The following GRID1 variants were observed in gnomAD, a reference collection of about 807,000 sequenced individuals.
GRID1 encodes glutamate ionotropic receptor delta type subunit 1.
A neutral mutation model predicts 98.0 loss-of-function variants in GRID1; 28 were observed. The ratio of observed to expected loss-of-function variants is 0.29; its 90% CI spans 0.21 to 0.39. The LOEUF is 0.39. Among genes scored for constraint, GRID1 ranks in the 10% least tolerant of loss-of-function variants. GRID1 has a pLI of 1.00. For missense variants in GRID1, 1,111 were observed against 1,340.5 expected, an observed-to-expected ratio of 0.83 and a Z score of 2.67; for synonymous variants, 553 against 538.5, an observed-to-expected ratio of 1.03 and a Z score of -0.37.
chr10:85,653,569 A>T (rs1239990772), intron 12 of GRID1, among the ~76,000 whole-genome samples: 1 of 152,152 alleles, frequency 6.6e-6, no homozygotes, highest in East Asian at 1.9e-4. Context: ...TGTACACAGG[A>T]GCTGTGGTTA....
chr10:85,931,243 C>T (rs1841847047), intron 4 of GRID1, among the ~76,000 whole-genome samples: 1 of 152,114 alleles, frequency 6.6e-6, no homozygotes, highest in Non-Finnish European at 1.5e-5. Flanking sequence ...CCCTCTCCCC[C>T]TGCCCTACCC....
intron 2 of GRID1, among the ~76,000 whole-genome samples, chr10:86,315,245 TTCCTCAGCCTTTG>T (rs1847882584): frequency 6.6e-6 from 1 of 152,150 alleles, no homozygotes; most frequent in Non-Finnish European, 1.5e-5. Context: ...AAGGCCCATT[TTCCTCAGCCTTTG>T]TCCTCCAGCC....
intron 13 of GRID1, among the ~76,000 whole-genome samples, chr10:85,620,785 G>A (rs1047642907): frequency 9.9e-5 from 15 of 152,156 alleles, no homozygotes; most frequent in East Asian, 5.8e-4. Context: ...CTGTGCACAC[G>A]CACATACATG....
intron 12 of GRID1, among the ~76,000 whole-genome samples, chr10:85,670,728 G>C (rs554695060): frequency 2.6e-5 from 4 of 152,200 alleles, no homozygotes; most frequent in African/African-American, 9.6e-5. Flanking sequence ...TGGGTCACTA[G>C]ACTACACAGA....
chr10:85,724,413 C>G lies in GRID1; in HGVS notation c.1797G>C (p.Pro599=). 6.2e-7 allele frequency: 1 copy of G among 1,614,168 alleles called. No homozygotes were observed. Among genetic ancestry groups the G allele is most frequent in the Non-Finnish European group, 8.5e-7 (1 of 1,180,024 alleles). ...CGCTGTGCAGAGTGGCAGAAGCTGA[C>G]GGCCTGGGCTGGGCAGCACTCTGAG... The part of the protein sequence containing the change: ...VRAQSAAQPR[P]SASATLHSAI... The change falls in exon 11 of 16, where the codon CCG becomes CCC. Residue 599 remains proline (P), a synonymous_variant. Coordinates refer to ENST00000327946, the MANE Select transcript of GRID1 (RefSeq NM_017551.3).
At chr10:86,247,460 T>G (rs1375424484) in intron 2 of GRID1, among the ~76,000 whole-genome samples, 1 of 151,928 alleles carries the variant, frequency 6.6e-6, no homozygotes, top group African/African-American at 2.4e-5. Context: ...AGAAAGAGTA[T>G]AAAAGGATTG....
intron 12 of GRID1, among the ~76,000 whole-genome samples, chr10:85,686,471 C>T (rs887624501): frequency 6.6e-6 from 1 of 152,124 alleles, no homozygotes; most frequent in Non-Finnish European, 1.5e-5. Flanking sequence ...AATAGATAAA[C>T]ATGATATGGT....
chr10:86,075,763 C>A (rs963708807), intron 4 of GRID1, among the ~76,000 whole-genome samples: 1 of 152,172 alleles, frequency 6.6e-6, no homozygotes, highest in Non-Finnish European at 1.5e-5. Context: ...ACGCAGAGGA[C>A]CCTCTGCTCA....
chr10:86,069,556 G>A (rs918691113), intron 4 of GRID1, among the ~76,000 whole-genome samples: 2 of 152,304 alleles, frequency 1.3e-5, no homozygotes, highest in African/African-American at 2.4e-5. Flanking sequence ...GCTGAGGCAG[G>A]AGAATGGCGT....
At chr10:86,173,291 G>A (rs929171484) in intron 3 of GRID1, among the ~76,000 whole-genome samples, 3 of 152,060 alleles carry the variant, frequency 2.0e-5, no homozygotes, top group Non-Finnish European at 4.4e-5. Context: ...CTCCTGCCTC[G>A]GCCTTCCAAA....
At chr10:85,747,020 A>T (rs148989088) in intron 8 of GRID1, among the ~76,000 whole-genome samples, 218 of 152,262 alleles carry the variant, frequency 1.4e-3, no homozygotes, top group African/African-American at 5.0e-3. Context: ...GTTTACATTC[A>T]ACAAAGTATT....
chr10:85,943,918 G>T (rs1002977767), intron 4 of GRID1, among the ~76,000 whole-genome samples: 5 of 152,214 alleles, frequency 3.3e-5, no homozygotes, highest in Admixed American at 6.5e-5. Context: ...TGGCCAATGG[G>T]AAATGAACAA....
chr10:86,080,883 C>G (rs1843968693), intron 4 of GRID1, among the ~76,000 whole-genome samples: 1 of 152,176 alleles, frequency 6.6e-6, no homozygotes, highest in African/African-American at 2.4e-5. Context: ...CAACTCCAAC[C>G]ATCTCTGATT....
At chr10:85,662,730 C>T (rs182457189) in intron 12 of GRID1, among the ~76,000 whole-genome samples, 2 of 152,256 alleles carry the variant, frequency 1.3e-5, no homozygotes, top group African/African-American at 2.4e-5. Context: ...TGCACTGTGT[C>T]GTAGGAAGCA....
At chr10:85,878,685 A>C (rs1054022160) in intron 5 of GRID1, among the ~76,000 whole-genome samples, 1 of 152,250 alleles carries the variant, frequency 6.6e-6, no homozygotes, top group Admixed American at 6.5e-5. Context: ...TGTAAAGACC[A>C]TCAAGGCTAG....
At chr10:86,342,468 T>A (rs1333494559) in intron 2 of GRID1, among the ~76,000 whole-genome samples, 3 of 152,204 alleles carry the variant, frequency 2.0e-5, no homozygotes, top group Non-Finnish European at 4.4e-5. Context: ...CTGTCAAGCC[T>A]CAGAAGTCTT....
intron 4 of GRID1, among the ~76,000 whole-genome samples, chr10:86,130,510 A>C (rs939079138): frequency 6.6e-6 from 1 of 152,246 alleles, no homozygotes; most frequent in Non-Finnish European, 1.5e-5. Flanking sequence ...AGAGCGACAC[A>C]GTAGAGAAGG....
intron 8 of GRID1, among the ~76,000 whole-genome samples, chr10:85,808,594 T>C (rs1842642814): frequency 3.3e-5 from 5 of 152,182 alleles, no homozygotes; most frequent in Non-Finnish European, 7.4e-5. Context: ...CAATGACTTT[T>C]AAGTGACACA....
At chr10:85,865,955 G>GGAGAGAGA (rs11468652) in intron 6 of GRID1, among the ~76,000 whole-genome samples, 1 of 84,698 alleles carries the variant, frequency 1.2e-5, no homozygotes, top group Non-Finnish European at 2.2e-5. Flanking sequence ...ACATATATAT[G>GGAGAGAGA]GAGAGAGAGA....
Sources: gnomAD v4.1 joint callset for allele counts (sites outside exome capture counted in the v4.1 genomes callset) on GRCh38, gnomAD v4.1.1 for gene constraint, MANE v1.5 for transcripts, NCBI Gene and HGNC (gene_info 2026-07-23, HGNC 2026-07-21) for gene names.